CNTNAP5: variants seen among roughly 807,000 people sequenced by gnomAD.
The protein encoded by CNTNAP5 is contactin-associated protein-like 5.
Under a neutral mutation model 150.2 loss-of-function variants are expected in CNTNAP5, and 72 were observed. That is an observed-to-expected ratio of 0.48 (90% CI 0.40 to 0.58). CNTNAP5 has a LOEUF of 0.58. Among genes scored for constraint, CNTNAP5 ranks in the 20% least tolerant of loss-of-function variants. The pLI is 0.00. For synonymous variants in CNTNAP5, 672 were observed against 619.8 expected (o/e 1.08, Z -1.25); for missense variants, 1,636 against 1,626.2 (o/e 1.01, Z -0.10).
At chr2:124,821,505 A>G (rs1200987986) in intron 19 of CNTNAP5, among the ~76,000 whole-genome samples, 1 of 152,176 alleles carries the variant, frequency 6.6e-6, no homozygotes, top group African/African-American at 2.4e-5. Context: ...GTTCCTAGCT[A>G]GTGTTGAGGA....
At chr2:124,834,717 C>T (rs1007228518) in intron 19 of CNTNAP5, among the ~76,000 whole-genome samples, 17 of 152,034 alleles carry the variant, frequency 1.1e-4, no homozygotes, top group Middle Eastern at 3.4e-3. Flanking sequence ...TGCTGCTTAC[C>T]TGTCTGCAGC....
intron 1 of CNTNAP5, among the ~76,000 whole-genome samples, chr2:124,113,929 A>C (rs114298237): frequency 0.033 from 5,040 of 151,178 alleles, 79 homozygotes; most frequent in Non-Finnish European, 0.041. Context: ...CTCTCTCTAT[A>C]TATATATATA....
chr2:124,090,431 A>AT (rs1245119125), intron 1 of CNTNAP5, among the ~76,000 whole-genome samples: 2 of 152,116 alleles, frequency 1.3e-5, no homozygotes, highest in Admixed American at 1.3e-4. Context: ...AAGACCATTG[A>AT]TTTTTCTCAT....
chr2:124,687,912 T>C (rs1030879846), intron 13 of CNTNAP5, among the ~76,000 whole-genome samples: 1 of 152,104 alleles, frequency 6.6e-6, no homozygotes, highest in Non-Finnish European at 1.5e-5. Context: ...AATTATGTAT[T>C]CAAAAATTGA....
At position 124,713,307 on chromosome 2, in the gene CNTNAP5, TC is replaced by T. The variant is rs1558746870; in HGVS notation, c.2078-33921del. Reference sequence around the variant, plus strand: ...TTTCTTTCTTTCTTTCTTTCTTCTTTCTCTTTCTTTCCTTTCTTTCTTTCTT... The same window carrying T: ...TTTCTTTCTTTCTTTCTTTCTTCTTTTCTTTCTTTCCTTTCTTTCTTTCTT... On this transcript the variant is annotated intron_variant, in intron 13 of 23. Coordinates refer to ENST00000682447, the MANE Select transcript of CNTNAP5 (RefSeq NM_001367498.1). Among the ~76,000 whole-genome samples the T allele has an allele frequency of 2.1e-3, 201 of 95,804 alleles. 11 individuals carry two copies. Among genetic ancestry groups the T allele is most frequent in the Non-Finnish European group, 3.7e-3 (154 of 41,484 alleles). The allele number at this position is 95,804 out of a possible 152,430, so 62.9% of individuals were successfully genotyped here. A position where few individuals can be genotyped will look rare whatever the true frequency, so the allele number is the denominator to read the frequency against.
chr2:124,259,507 T>C (rs1004020203), intron 3 of CNTNAP5, among the ~76,000 whole-genome samples: 1 of 152,150 alleles, frequency 6.6e-6, no homozygotes, highest in Middle Eastern at 3.2e-3. Context: ...CTCCACATCC[T>C]CTCCAGCACC....
chr2:124,437,103 G>T (rs1332755588), intron 5 of CNTNAP5, among the ~76,000 whole-genome samples: 1 of 152,120 alleles, frequency 6.6e-6, no homozygotes, highest in Admixed American at 6.6e-5. Context: ...TATAATGTAG[G>T]TTTCATAAAC....
rs925237937 is a variant in CNTNAP5, at chr2:124,174,550, A to G, written c.83-47155A>G. ...GGAAAGAGCTAGAGAAATAGAACTA[A>G]AAGTGGAACCTGAAGATGTGACTGA... On this transcript the variant is annotated intron_variant, in intron 1 of 23. Coordinates refer to ENST00000682447, the MANE Select transcript of CNTNAP5 (RefSeq NM_001367498.1). 4.6e-5 allele frequency among the ~76,000 whole-genome samples: 7 copies of G among 152,226 alleles called. No individual in the cohort carries two copies. The South Asian group carries it at 8.3e-4, about 18-fold the overall frequency.
chr2:124,823,505 T>A (rs1192330247), intron 19 of CNTNAP5, among the ~76,000 whole-genome samples: 2 of 152,164 alleles, frequency 1.3e-5, no homozygotes, highest in African/African-American at 2.4e-5. Flanking sequence ...AGCATCTGTT[T>A]AACCTTGATT....
At chr2:124,414,839 T>C (rs1173191351) in intron 3 of CNTNAP5, among the ~76,000 whole-genome samples, 2 of 152,064 alleles carry the variant, frequency 1.3e-5, no homozygotes, top group Admixed American at 1.3e-4. Context: ...TAAATAATGC[T>C]ACAGACCTAC....
chr2:124,068,736 A>G (rs973407585), intron 1 of CNTNAP5, among the ~76,000 whole-genome samples: 3 of 151,720 alleles, frequency 2.0e-5, no homozygotes, highest in African/African-American at 7.2e-5. Flanking sequence ...AAAAGTAAGG[A>G]GTACTTTGTC....
chr2:124,305,941 T>C (rs1489147396), intron 3 of CNTNAP5, among the ~76,000 whole-genome samples: 2 of 152,236 alleles, frequency 1.3e-5, no homozygotes, highest in African/African-American at 4.8e-5. Flanking sequence ...TATTTGCCTA[T>C]ATATGTCTCT....
intron 10 of CNTNAP5, among the ~76,000 whole-genome samples, chr2:124,531,568 A>G (rs1695110331): frequency 6.6e-6 from 1 of 152,178 alleles, no homozygotes; most frequent in African/African-American, 2.4e-5. Context: ...TGATGCTGTA[A>G]AAGCTCTAGA....
intron 22 of CNTNAP5, among the ~76,000 whole-genome samples, chr2:124,910,681 T>C (rs999463418): frequency 6.6e-6 from 1 of 152,054 alleles, no homozygotes; most frequent in Non-Finnish European, 1.5e-5. Context: ...TGTTTCAATC[T>C]AGTTTCCTTA....
chr2:124,568,381 A>C (rs1343867946), intron 11 of CNTNAP5, among the ~76,000 whole-genome samples: 2 of 152,210 alleles, frequency 1.3e-5, no homozygotes, highest in African/African-American at 4.8e-5. Context: ...GTAGACATAC[A>C]TGTGCTGTAT....
intron 14 of CNTNAP5, among the ~76,000 whole-genome samples, chr2:124,751,598 T>C (rs959167294): frequency 6.6e-6 from 1 of 152,270 alleles, no homozygotes; most frequent in African/African-American, 2.4e-5. Flanking sequence ...ACTTATTTCT[T>C]GACAACTGAC....
At chr2:124,542,301 C>A (rs879917042) in intron 10 of CNTNAP5, among the ~76,000 whole-genome samples, 1 of 148,668 alleles carries the variant, frequency 6.7e-6, no homozygotes, top group Non-Finnish European at 1.5e-5. Context: ...CTAGTATGTT[C>A]CAGGACATAT....
At chr2:124,079,574 G>C (rs921074335) in intron 1 of CNTNAP5, among the ~76,000 whole-genome samples, 1 of 152,136 alleles carries the variant, frequency 6.6e-6, no homozygotes, top group Admixed American at 6.5e-5. Flanking sequence ...GCAATAAATT[G>C]ATGGGTTGTG....
chr2:124,442,067 T>G (rs2104801570), intron 5 of CNTNAP5, among the ~76,000 whole-genome samples: 1 of 152,306 alleles, frequency 6.6e-6, no homozygotes, highest in Non-Finnish European at 1.5e-5. Context: ...GAAGAAGTAC[T>G]TTTATTTTCC....
Sources: gnomAD v4.1 joint callset for allele counts (sites outside exome capture counted in the v4.1 genomes callset) on GRCh38, gnomAD v4.1.1 for gene constraint, MANE v1.5 for transcripts, NCBI Gene and HGNC (gene_info 2026-07-23, HGNC 2026-07-21) for gene names.